GLDC: variants seen among roughly 807,000 people sequenced by gnomAD.
The protein encoded by GLDC is glycine dehydrogenase (decarboxylating), mitochondrial.
Under a neutral mutation model 121.3 loss-of-function variants are expected in GLDC, and 104 were observed. The ratio of observed to expected loss-of-function variants is 0.86; its 90% CI spans 0.73 to 1.01. The LOEUF is 1.01. GLDC is among the 50% of genes least tolerant of loss of function. The pLI is 0.00. For missense variants in GLDC, 1,429 were observed against 1,306.6 expected, an observed-to-expected ratio of 1.09 and a Z score of -1.44; for synonymous variants, 546 against 480.6, an observed-to-expected ratio of 1.14 and a Z score of -1.78.
intron 2 of GLDC, among the ~76,000 whole-genome samples, chr9:6,622,396 C>G (rs879846518): frequency 1.3e-5 from 2 of 149,796 alleles, no homozygotes; most frequent in African/African-American, 5.0e-5. Flanking sequence ...CACGCGCCGC[C>G]ACGCCTGACT....
intron 22 of GLDC, among the ~76,000 whole-genome samples, chr9:6,537,770 A>T (rs542651785): frequency 9.2e-5 from 14 of 151,910 alleles, no homozygotes; most frequent in Non-Finnish European, 1.9e-4. Flanking sequence ...ACAGAGTAAG[A>T]CCTTGTCTCT....
At chr9:6,536,727 A>G (rs1455563215) in intron 22 of GLDC, among the ~76,000 whole-genome samples, 1 of 152,178 alleles carries the variant, frequency 6.6e-6, no homozygotes, top group Non-Finnish European at 1.5e-5. Context: ...AGTAATTATC[A>G]TGTATTATGT....
At chr9:6,605,731 G>A in intron 5 of GLDC, 1 of 256,952 alleles carries the variant, frequency 3.9e-6, no homozygotes, top group Non-Finnish European at 7.6e-6. Context: ...AAGGGATGGT[G>A]GTATGGGTAG....
chr9:6,619,145 GCAAAAAAAAA>G (rs1417540704), intron 3 of GLDC, among the ~76,000 whole-genome samples: 7 of 30,174 alleles, frequency 2.3e-4, no homozygotes, highest in South Asian at 1.4e-3. Context: ...TCTGTCTCAG[GCAAAAAAAAA>G]AAAAAAAAAA....
chr9:6,601,502 G>A (rs963980149), intron 8 of GLDC, among the ~76,000 whole-genome samples: 3 of 152,098 alleles, frequency 2.0e-5, no homozygotes, highest in African/African-American at 7.3e-5. Context: ...TGGGTAAAAT[G>A]AAACAAATAA....
chr9:6,545,435 G>C (rs1160720097), intron 21 of GLDC, among the ~76,000 whole-genome samples: 1 of 152,046 alleles, frequency 6.6e-6, no homozygotes, highest in African/African-American at 2.4e-5. Context: ...ATAAAAAATG[G>C]TACATCTGTG....
Position 6,625,801 on chromosome 9 carries a change from T to G in GLDC, c.335-5482A>C, listed in dbSNP as rs139563189. Among the ~76,000 whole-genome samples the G allele has an allele frequency of 3.4e-3, 509 of 151,932 alleles. 3 individuals are homozygous for G. The highest frequency in any genetic ancestry group is 0.017 in the Middle Eastern group (5 of 294). ...TGATAGGAAAGGTGGGGTTAACGTT[T>G]TATGGGTCTGCAGCAGAGGCCACCT... On this transcript the variant is annotated intron_variant, in intron 2 of 24. Transcript: ENST00000321612.
intron 3 of GLDC, among the ~76,000 whole-genome samples, chr9:6,611,654 C>G (rs141405893): frequency 2.7e-3 from 409 of 152,104 alleles, no homozygotes; most frequent in African/African-American, 9.1e-3. Flanking sequence ...TATATTCACA[C>G]TGTCTAATTA....
chr9:6,644,088 C>G (rs1400898993), intron 2 of GLDC, among the ~76,000 whole-genome samples: 1 of 125,970 alleles, frequency 7.9e-6, no homozygotes, highest in Non-Finnish European at 1.7e-5. Flanking sequence ...ACCATTCGGA[C>G]TCGAAAAGTA....
intron 10 of GLDC, 56 bp from the exon 11 acceptor site, chr9:6,592,279 G>T: frequency 9.3e-7 from 1 of 1,077,962 alleles, no homozygotes; most frequent in Non-Finnish European, 1.4e-6. Flanking sequence ...CATCACTGGA[G>T]GAATCCCAAG....
At chr9:6,551,462 A>G (rs1188286460) in intron 20 of GLDC, among the ~76,000 whole-genome samples, 1 of 152,220 alleles carries the variant, frequency 6.6e-6, no homozygotes, top group East Asian at 1.9e-4. Flanking sequence ...GCTTCAAATC[A>G]AGACTGCACC....
At chr9:6,549,197 T>C (rs1238535651) in intron 21 of GLDC, among the ~76,000 whole-genome samples, 1 of 152,242 alleles carries the variant, frequency 6.6e-6, no homozygotes, top group Non-Finnish European at 1.5e-5. Context: ...AGCCACCCGC[T>C]CTTTACAGTG....
At position 6,610,163 on chromosome 9, in the gene GLDC, G is replaced by C. The variant is rs780866741; in HGVS notation, c.635+29C>G. 2.5e-6 allele frequency: 4 copies of C among 1,575,230 alleles called. No homozygotes were observed. The East Asian group carries it at 9.1e-5, about 36-fold the overall frequency. ...GGCCAGGCGAGGTGGCCCACAACTG[G>C]AATTCCAGCACTTTGAGAGGCCTCT... On this transcript the variant is annotated intron_variant, in intron 4 of 24. Transcript: ENST00000321612.
intron 2 of GLDC, among the ~76,000 whole-genome samples, chr9:6,621,628 C>T (rs1819095961): frequency 6.6e-6 from 1 of 152,122 alleles, no homozygotes; most frequent in Non-Finnish European, 1.5e-5. Flanking sequence ...AGCGATTCTT[C>T]TGCCTCAGCC....
Position 6,594,899 on chromosome 9 carries a change from G to A in GLDC, c.1261+115C>T, listed in dbSNP as rs571805836. ...ATGGATGTTGAAAGTATTTTTCCTC[G>A]TTTCTCACTTGACTTTTAATTTTGC... On this transcript the variant is annotated intron_variant, in intron 9 of 24. Transcript: ENST00000321612. 344 of 745,512 alleles carry A rather than the reference G, an allele frequency of 4.6e-4. 4 individuals are homozygous for A. The highest frequency in any genetic ancestry group is 4.2e-3 in the South Asian group (284 of 67,466). The allele number at this position is 745,512 out of a possible 1,614,324, so 46.2% of individuals were successfully genotyped here. A position where few individuals can be genotyped will look rare whatever the true frequency, so the allele number is the denominator to read the frequency against.
chr9:6,557,681 GTCT>G (rs1171332397), intron 17 of GLDC: 2 of 148,586 alleles, frequency 1.3e-5, no homozygotes, highest in African/African-American at 4.9e-5. Flanking sequence ...GTAAATAAAA[GTCT>G]TCTTTATTCT....
rs553841283 is a variant in GLDC, at chr9:6,643,969, G to C, written c.334+645C>G. Reference sequence around the variant, plus strand: ...GAATTGCTTGAACCAGGGAGGCGGAGGTTGCAGTGAGCCGAGATCAAGCCA... The same window carrying C: ...GAATTGCTTGAACCAGGGAGGCGGACGTTGCAGTGAGCCGAGATCAAGCCA... On this transcript the variant is annotated intron_variant, in intron 2 of 24. Transcript: ENST00000321612. Among the ~76,000 whole-genome samples, 1,142 of 137,386 alleles carry C rather than the reference G, an allele frequency of 8.3e-3. 23 individuals are homozygous for C. Among genetic ancestry groups the C allele is most frequent in the African/African-American group, 0.029 (1,053 of 35,996 alleles). 90.1% of individuals were successfully genotyped at this position (137,386 alleles called of 152,430 possible). A position where few individuals can be genotyped will look rare whatever the true frequency, so the allele number is the denominator to read the frequency against.
At chr9:6,612,176 C>T (rs1233106858) in intron 3 of GLDC, among the ~76,000 whole-genome samples, 5 of 147,908 alleles carry the variant, frequency 3.4e-5, no homozygotes, top group African/African-American at 1.3e-4. Flanking sequence ...GTTGTATACA[C>T]ACACACACAC....
At position 6,536,218 on chromosome 9, in the gene GLDC, A is replaced by G. The variant is rs769606225; in HGVS notation, c.2684T>C (p.Met895Thr). 22 of 1,613,830 alleles carry G rather than the reference A, an allele frequency of 1.4e-5. No individual in the cohort carries two copies. In the Admixed American group the frequency reaches 3.2e-4, roughly 23 times the overall value. The change falls in exon 23 of 25, where the codon ATG becomes ACG. Residue 895 changes from methionine (M) to threonine (T), a missense_variant. Coordinates refer to ENST00000321612, the MANE Select transcript of GLDC (RefSeq NM_000170.3). ...GAGGGTCCCTGCCACAGGCCAGGAC[A>G]TGGTAGGGGCGTGAAATCCTGCAAA... ...LQDYGFHAPT[M>T]SWPVAGTLMV... is the part of the protein sequence containing the mutation.
Sources: allele counts gnomAD v4.1 joint callset (sites outside exome capture counted in the v4.1 genomes callset), GRCh38; gene constraint gnomAD v4.1.1; transcripts MANE v1.5; gene names NCBI Gene and HGNC (gene_info 2026-07-23, HGNC 2026-07-21).